PAN3: variants seen among roughly 807,000 people sequenced by gnomAD.
PAN3 encodes PAN2-PAN3 deadenylation complex subunit PAN3.
In PAN3, 19 loss-of-function variants were observed where a neutral mutation model predicts 96.2. The observed-to-expected ratio is 0.20, with a 90% confidence interval of 0.14 to 0.29. The LOEUF (loss-of-function observed/expected upper bound fraction) is 0.29, where lower values mean the gene tolerates loss of function less well. PAN3 is among the 10% of genes least tolerant of loss of function. PAN3 has a pLI of 1.00. For synonymous variants in PAN3, 433 were observed against 406.6 expected, an observed-to-expected ratio of 1.06 and a Z score of -0.78; for missense variants, 882 against 1,108.1, an observed-to-expected ratio of 0.80 and a Z score of 2.90.
At chr13:28,168,862 C>T (rs1286519983) in intron 1 of PAN3, among the ~76,000 whole-genome samples, 2 of 151,102 alleles carry the variant, frequency 1.3e-5, no homozygotes, top group Admixed American at 6.6e-5. Context: ...ATTAAAAATA[C>T]AAAAAATTAC....
intron 5 of PAN3, chr13:28,215,472 T>C: frequency 1.4e-6 from 1 of 691,108 alleles, no homozygotes; most frequent in East Asian, 2.5e-5. Flanking sequence ...AAGATGTTCG[T>C]TGGGGGAGTG....
At chr13:28,187,018 G>C (rs1473827739) in intron 4 of PAN3, among the ~76,000 whole-genome samples, 1 of 152,110 alleles carries the variant, frequency 6.6e-6, no homozygotes, top group African/African-American at 2.4e-5. Flanking sequence ...TGGGCAACAT[G>C]GTAAGACCCG....
intron 1 of PAN3, among the ~76,000 whole-genome samples, chr13:28,157,070 C>T (rs546672881): frequency 1.4e-4 from 21 of 149,282 alleles, no homozygotes; most frequent in Admixed American, 2.7e-4. Flanking sequence ...CAAGACTGGT[C>T]GGGCATACAC....
At position 28,293,847 on chromosome 13, in the gene PAN3, A is replaced by AT; in HGVS notation, c.*1326dup. Reference sequence around the variant, plus strand: ...TTCTTAAAAAACAGTAATGAAGACTATATCTCCTTTCCCAGCACTGAATGT... The same window carrying AT: ...TTCTTAAAAAACAGTAATGAAGACTATTATCTCCTTTCCCAGCACTGAATGT... On this transcript the variant is annotated 3_prime_UTR_variant, in exon 19 of 19. Coordinates refer to ENST00000380958, the MANE Select transcript of PAN3 (RefSeq NM_175854.8). 6.5e-6 allele frequency: 1 copy of AT among 152,762 alleles called. No individual in the cohort carries two copies. Among genetic ancestry groups the AT allele is most frequent in the South Asian group, 2.1e-4 (1 of 4,824 alleles). 9.5% of individuals were successfully genotyped at this position (152,762 alleles called of 1,614,324 possible).
chr13:28,192,917 C>G (rs1440349154), intron 4 of PAN3, among the ~76,000 whole-genome samples: 3 of 152,144 alleles, frequency 2.0e-5, no homozygotes, highest in African/African-American at 7.2e-5. Context: ...TTGCTACCAT[C>G]TCTTTTCAGA....
At chr13:28,219,422 C>CT (rs35535230) in intron 5 of PAN3, among the ~76,000 whole-genome samples, 21,598 of 151,980 alleles carry the variant, frequency 0.14, 1,851 homozygotes, top group East Asian at 0.33. Context: ...ATTTTGAACT[C>CT]TTAACTCATT....
chr13:28,234,526 A>G (rs1424980950), intron 6 of PAN3, among the ~76,000 whole-genome samples: 1 of 152,282 alleles, frequency 6.6e-6, no homozygotes. Context: ...TCATTTTCCC[A>G]TCTTCAGTTT....
At chr13:28,202,852 A>C (rs963160495) in intron 5 of PAN3, among the ~76,000 whole-genome samples, 2 of 152,224 alleles carry the variant, frequency 1.3e-5, no homozygotes, top group Admixed American at 6.5e-5. Context: ...GTGAAAAAGT[A>C]ATTGCGGTTT....
intron 6 of PAN3, among the ~76,000 whole-genome samples, chr13:28,224,141 G>A (rs1327099586): frequency 6.6e-6 from 1 of 152,168 alleles, no homozygotes; most frequent in East Asian, 1.9e-4. Flanking sequence ...AAAGTGCTGG[G>A]ATTACAGGCG....
intron 6 of PAN3, among the ~76,000 whole-genome samples, chr13:28,234,367 A>T (rs954375458): frequency 6.6e-6 from 1 of 151,896 alleles, no homozygotes; most frequent in Non-Finnish European, 1.5e-5. Flanking sequence ...TTAGAAGAAA[A>T]CTTTAATATA....
intron 1 of PAN3, among the ~76,000 whole-genome samples, chr13:28,147,834 G>A (rs1023517390): frequency 1.3e-5 from 2 of 152,088 alleles, no homozygotes; most frequent in Admixed American, 6.6e-5. Context: ...TGGCATGTAG[G>A]TAATAGCCCT....
At position 28,176,543 on chromosome 13, in the gene PAN3, G is replaced by A. The variant is rs1412419649; in HGVS notation, c.603G>A (p.Lys201=). Residue 201 remains lysine (K), a synonymous_variant, in exon 3 of 19, where the codon AAG becomes AAA. Coordinates refer to ENST00000380958, the MANE Select transcript of PAN3 (RefSeq NM_175854.8). The part of the protein sequence containing the change: ...SSPSLLNDSA[K]PYSAHDPLTS... ...CAAGCCTTCTAAATGACAGTGCCAAGCCATATTCAGCCCATGGTAAGACCT... is the reference window on the plus strand; with the variant it reads ...CAAGCCTTCTAAATGACAGTGCCAAACCATATTCAGCCCATGGTAAGACCT... 1.9e-6 allele frequency: 3 copies of A among 1,613,728 alleles called. No individual in the cohort carries two copies. The highest frequency in any genetic ancestry group is 2.5e-6 in the Non-Finnish European group (3 of 1,179,830).
intron 14 of PAN3, among the ~76,000 whole-genome samples, chr13:28,272,557 ACAATGT>A (rs2138676770): frequency 6.6e-6 from 1 of 151,216 alleles, no homozygotes; most frequent in South Asian, 2.1e-4. Context: ...AGAATTCATG[ACAATGT>A]CAGAGACTCT....
intron 4 of PAN3, among the ~76,000 whole-genome samples, chr13:28,179,781 T>C (rs1875524817): frequency 6.6e-6 from 1 of 151,996 alleles, no homozygotes; most frequent in Admixed American, 6.6e-5. Flanking sequence ...AATGACAAAT[T>C]AATGTTTAAA....
At chr13:28,182,238 A>G (rs1875885906) in intron 4 of PAN3, among the ~76,000 whole-genome samples, 1 of 152,246 alleles carries the variant, frequency 6.6e-6, no homozygotes, top group Non-Finnish European at 1.5e-5. Flanking sequence ...TAGGGCAACC[A>G]TGTATGATTG....
chr13:28,173,248 T>C (rs1428874272), intron 1 of PAN3, among the ~76,000 whole-genome samples: 3 of 152,222 alleles, frequency 2.0e-5, no homozygotes, highest in African/African-American at 7.2e-5. Flanking sequence ...GGGCCTGATA[T>C]TAAAAGGGTT....
intron 6 of PAN3, chr13:28,239,435 A>T (rs1283261680): frequency 3.4e-5 from 12 of 349,864 alleles, no homozygotes; most frequent in Non-Finnish European, 6.7e-5. Context: ...TGACATATAG[A>T]TGCCTTTGGT....
chr13:28,206,315 C>CTTTTTTT lies in PAN3; in HGVS notation c.852+8987_852+8993dup, dbSNP rs71086837. Among the ~76,000 whole-genome samples, 14 of 94,926 alleles carry CTTTTTTT rather than the reference C, an allele frequency of 1.5e-4. 1 individual carries two copies. Among genetic ancestry groups the CTTTTTTT allele is most frequent in the East Asian group, 3.4e-4 (1 of 2,912 alleles). 62.3% of individuals were successfully genotyped at this position (94,926 alleles called of 152,430 possible). A position where few individuals can be genotyped will look rare whatever the true frequency, so the allele number is the denominator to read the frequency against. ...GTTTTTGATAAGATCGTCTAACTGACTTTTTTTTTTTTTTTTTTTTTTTTG... is the reference window on the plus strand; with the variant it reads ...GTTTTTGATAAGATCGTCTAACTGACTTTTTTTTTTTTTTTTTTTTTTTTTTTTTTTG... On this transcript the variant is annotated intron_variant, in intron 5 of 18. Coordinates refer to ENST00000380958, the MANE Select transcript of PAN3 (RefSeq NM_175854.8).
intron 1 of PAN3, among the ~76,000 whole-genome samples, chr13:28,153,989 A>G (rs1246447899): frequency 6.6e-6 from 1 of 152,252 alleles, no homozygotes; most frequent in African/African-American, 2.4e-5. Context: ...CTTTATTGGC[A>G]GCTTTCGATT....
Sources: gnomAD v4.1 joint callset for allele counts (sites outside exome capture counted in the v4.1 genomes callset) on GRCh38, gnomAD v4.1.1 for gene constraint, MANE v1.5 for transcripts, NCBI Gene and HGNC (gene_info 2026-07-23, HGNC 2026-07-21) for gene names.